The following ABCA13 variants were observed in gnomAD, a reference collection of about 807,000 sequenced individuals.
ABCA13 encodes the protein ATP-binding cassette sub-family A member 13.
ABCA13 carries 476 observed loss-of-function variants against 478.7 expected under a neutral mutation model. The observed-to-expected ratio is 0.99, with a 90% CI of 0.92 to 1.07. ABCA13 has a LOEUF of 1.07. Among genes scored for constraint, ABCA13 ranks in the 50% least tolerant of loss-of-function variants. The probability of loss-of-function intolerance (pLI) is 0.00; values close to 1 mark genes in which losing one functional copy is unlikely to be tolerated. For missense variants in ABCA13, 6,060 were observed against 5,910.6 expected (o/e 1.03, Z -0.83); for synonymous variants, 2,252 against 2,158.9 (o/e 1.04, Z -1.20).
chr7:48,242,252 G>A (rs556004484), intron 10 of ABCA13, among the ~76,000 whole-genome samples: 2 of 150,044 alleles, frequency 1.3e-5, no homozygotes, highest in South Asian at 4.2e-4. Context: ...GAAGCCCCAG[G>A]AAGCTGTACT....
intron 58 of ABCA13, among the ~76,000 whole-genome samples, chr7:48,597,517 G>C (rs774671852): frequency 6.6e-5 from 10 of 152,098 alleles, no homozygotes; most frequent in Non-Finnish European, 1.3e-4. Context: ...TTGTATTTGA[G>C]ACTTTAAGAA....
rs184846738 is a variant in ABCA13, at chr7:48,596,728, G to A, written c.14744+1915G>A. On this transcript the variant is annotated intron_variant, in intron 58 of 61. Coordinates refer to ENST00000435803, the MANE Select transcript of ABCA13 (RefSeq NM_152701.5). ...CAGGAGAATGTCATGAGACCGGGAG[G>A]TGGAGCTTGCAGTGAGCCAAGATCG... Among the ~76,000 whole-genome samples, 54 of 151,914 alleles carry A rather than the reference G, an allele frequency of 3.6e-4. 1 individual carries two copies. The East Asian group carries it at 8.1e-3, about 23-fold the overall frequency.
chr7:48,639,531 C>A (rs1440356164), intron 59 of ABCA13, among the ~76,000 whole-genome samples: 1 of 152,096 alleles, frequency 6.6e-6, no homozygotes, highest in East Asian at 1.9e-4. Flanking sequence ...GAGGCCTGGT[C>A]CCCCTCCGCT....
chr7:48,276,458 A>G lies in ABCA13; in HGVS notation c.6792A>G (p.Thr2264=), dbSNP rs17132201. The change falls in exon 17 of 62, where the codon ACA becomes ACG. Residue 2264 remains threonine, a synonymous_variant. Coordinates refer to ENST00000435803, the MANE Select transcript of ABCA13 (RefSeq NM_152701.5). ...VLSLRSIVDF[T]EQFLKTFFSL... is the part of the protein sequence containing the mutation. The stretch of plus-strand genomic sequence containing the variant: ...CTCTGAGAAGCATAGTAGATTTCAC[A>G]GAACAGTTTTTGAAAACATTCTTCT... 9.1e-3 allele frequency: 14,568 copies of G among 1,597,756 alleles called. 121 individuals carry two copies. The highest frequency in any genetic ancestry group is 0.056 in the Middle Eastern group (334 of 5,934).
At chr7:48,616,944 G>C (rs1486801372) in intron 59 of ABCA13, among the ~76,000 whole-genome samples, 1 of 152,132 alleles carries the variant, frequency 6.6e-6, no homozygotes, top group Non-Finnish European at 1.5e-5. Flanking sequence ...GGAGGTAGGA[G>C]AATCAGTTGT....
At chr7:48,407,716 C>G (rs1818447988) in intron 39 of ABCA13, among the ~76,000 whole-genome samples, 1 of 151,764 alleles carries the variant, frequency 6.6e-6, no homozygotes, top group Non-Finnish European at 1.5e-5. Flanking sequence ...ACCACCAAGC[C>G]CAGCTAATTT....
chr7:48,352,316 G>A lies in ABCA13; in HGVS notation c.10517G>A (p.Trp3506Ter). 6.2e-7 allele frequency: 1 copy of A among 1,613,780 alleles called. No individual in the cohort carries two copies. Among genetic ancestry groups the A allele is most frequent in the South Asian group, 1.1e-5 (1 of 91,082 alleles). ...ACAGATGTGGTAAAAAACCCTTCTT[G>A]GAAGTTCCACCCTCAGAATCTACCA... ...VRTDVVKNPS[W>*]KFHPQNLPAD... is the part of the protein sequence containing the mutation. Residue 3506 changes from tryptophan (W) to a stop codon, truncating the protein, a stop_gained, in exon 31 of 62, where the codon TGG becomes TAG. Coordinates refer to ENST00000435803, the MANE Select transcript of ABCA13 (RefSeq NM_152701.5). LOFTEE classifies it high-confidence loss of function.
In ABCA13 at chr7:48,225,492, C is replaced by A. The variant is rs553688446; in HGVS notation, c.469-1770C>A. 2.0e-5 allele frequency among the ~76,000 whole-genome samples: 3 copies of A among 152,246 alleles called. No homozygotes were observed. The East Asian group carries it at 5.8e-4, about 29-fold the overall frequency. ...ACAATAGAATTATTTAACCTATAGA[C>A]TTTTTCCAGATTTGCCAATTGTTCT... is the stretch of plus-strand genomic sequence containing the variant. On this transcript the variant is annotated intron_variant, in intron 5 of 61. Transcript: ENST00000435803.
intron 1 of ABCA13, among the ~76,000 whole-genome samples, chr7:48,182,650 C>A (rs1268011842): frequency 6.6e-6 from 1 of 152,012 alleles, no homozygotes; most frequent in East Asian, 1.9e-4. Flanking sequence ...AAAAAACAAC[C>A]CTACTCCTCA....
intron 22 of ABCA13, 79 bp downstream of exon 22, chr7:48,297,390 C>T: frequency 7.5e-7 from 1 of 1,335,368 alleles, no homozygotes; most frequent in Non-Finnish European, 1.0e-6. Context: ...TAAAATAAAA[C>T]ATACAACAGA....
At chr7:48,636,229 T>C (rs1045377701) in intron 59 of ABCA13, among the ~76,000 whole-genome samples, 6 of 152,200 alleles carry the variant, frequency 3.9e-5, no homozygotes. Flanking sequence ...TGAGAAGACT[T>C]TATCAATCAC....
At chr7:48,203,236 A>AC (rs36007227) in intron 3 of ABCA13, among the ~76,000 whole-genome samples, 30,883 of 152,054 alleles carry the variant, frequency 0.2, 3,395 homozygotes, top group Middle Eastern at 0.25. Context: ...GCCCACGCGC[A>AC]CCGGAACTCC....
intron 42 of ABCA13, among the ~76,000 whole-genome samples, chr7:48,449,778 T>G (rs1353044262): frequency 1.3e-5 from 2 of 152,228 alleles, no homozygotes; most frequent in African/African-American, 4.8e-5. Flanking sequence ...GCATTATGAC[T>G]GGGGTCAGCA....
intron 50 of ABCA13, among the ~76,000 whole-genome samples, chr7:48,509,903 C>G (rs1831527540): frequency 6.6e-6 from 1 of 152,330 alleles, no homozygotes; most frequent in South Asian, 2.1e-4. Context: ...TGTGAGGACA[C>G]AGTGAGAAGT....
chr7:48,329,078 C>T (rs541835078), intron 27 of ABCA13, among the ~76,000 whole-genome samples: 1 of 152,116 alleles, frequency 6.6e-6, no homozygotes, highest in South Asian at 2.1e-4. Flanking sequence ...GACATCAATA[C>T]AGAATTAATT....
intron 29 of ABCA13, among the ~76,000 whole-genome samples, chr7:48,344,516 A>G (rs1222043044): frequency 6.6e-6 from 1 of 152,216 alleles, no homozygotes. Flanking sequence ...TTGGCCCCAC[A>G]TTAGTGTAGA....
intron 27 of ABCA13, among the ~76,000 whole-genome samples, chr7:48,330,737 A>ACATCCATCCATCCATCCATC (rs201089135): frequency 5.1e-5 from 7 of 136,968 alleles, no homozygotes; most frequent in Admixed American, 7.1e-5. Context: ...ATCCATTGAC[A>ACATCCATCCATCCATCCATC]CATCCATCCA....
Position 48,229,837 on chromosome 7 carries a change from C to T in ABCA13, c.645C>T (p.Ser215=). Residue 215 remains serine (S), a synonymous_variant, in exon 7 of 62, where the codon TCC becomes TCT. Coordinates refer to ENST00000435803, the MANE Select transcript of ABCA13 (RefSeq NM_152701.5). ...GTTTTGGTTCTAGTTCCTTAATATCCCTAGAAGATTTAGATTGGCTTCCAC... is the reference window on the plus strand; with the variant it reads ...GTTTTGGTTCTAGTTCCTTAATATCTCTAGAAGATTTAGATTGGCTTCCAC... ...LLQTILNSLI[S]LEDLDWLPLN... 6.2e-7 allele frequency: 1 copy of T among 1,613,880 alleles called. No individual in the cohort carries two copies. Among genetic ancestry groups the T allele is most frequent in the Non-Finnish European group, 8.5e-7 (1 of 1,179,848 alleles).
Position 48,298,583 on chromosome 7 carries a change from C to T in ABCA13, c.9321+96C>T, listed in dbSNP as rs1799725857. ...GTTGTCCTTTCTTCCTTCTTGCCTTCCTCTCCTTTGGCTAGTGTAGTGGGT... is the reference window on the plus strand; with the variant it reads ...GTTGTCCTTTCTTCCTTCTTGCCTTTCTCTCCTTTGGCTAGTGTAGTGGGT... On this transcript the variant is annotated intron_variant, in intron 23 of 61. Coordinates refer to ENST00000435803, the MANE Select transcript of ABCA13 (RefSeq NM_152701.5). 2.8e-5 allele frequency: 40 copies of T among 1,427,832 alleles called. No homozygotes were observed. In the South Asian group the frequency reaches 5.6e-4, roughly 20 times the overall value. The allele number at this position is 1,427,832 out of a possible 1,614,324, so 88.4% of individuals were successfully genotyped here.
Sources: gnomAD v4.1 joint callset for allele counts (sites outside exome capture counted in the v4.1 genomes callset) on GRCh38, gnomAD v4.1.1 for gene constraint, MANE v1.5 for transcripts, NCBI Gene and HGNC (gene_info 2026-07-23, HGNC 2026-07-21) for gene names.